Variants in HSD17B13 observed in about 807,000 individuals in gnomAD.
HSD17B13 encodes hydroxysteroid 17-beta dehydrogenase 13.
A neutral mutation model predicts 31.1 loss-of-function variants in HSD17B13; 26 were observed. That is an observed-to-expected ratio of 0.84 (90% CI 0.61 to 1.16). The LOEUF (loss-of-function observed/expected upper bound fraction) is 1.16. Among genes scored for constraint, HSD17B13 ranks in the 50% most tolerant of loss-of-function variants. The pLI, the probability that HSD17B13 is intolerant of heterozygous loss-of-function variation, is 0.00. For missense variants in HSD17B13, 374 were observed against 366.5 expected, an observed-to-expected ratio of 1.02 and a Z score of -0.17; for synonymous variants, 141 against 133.7, an observed-to-expected ratio of 1.05 and a Z score of -0.38.
intron 5 of HSD17B13, among the ~76,000 whole-genome samples, chr4:87,312,919 G>A (rs1229782484): frequency 6.6e-6 from 1 of 151,480 alleles, no homozygotes; most frequent in East Asian, 2.0e-4. Context: ...AATTAGCCAG[G>A]CGTGGTGGTG....
intron 5 of HSD17B13, among the ~76,000 whole-genome samples, chr4:87,311,127 T>A (rs1196314333): frequency 6.6e-6 from 1 of 152,116 alleles, no homozygotes; most frequent in Non-Finnish European, 1.5e-5. Context: ...ACAAATACCA[T>A]GGCAATGGCA....
At chr4:87,308,445 C>G (rs1734439616) in intron 6 of HSD17B13, among the ~76,000 whole-genome samples, 1 of 119,708 alleles carries the variant, frequency 8.4e-6, no homozygotes, top group South Asian at 2.8e-4. Flanking sequence ...GTCAGGAGAT[C>G]GAGACCATCC....
chr4:87,315,705 T>C (rs920771825), intron 3 of HSD17B13, 106 bp from the exon 4 acceptor site: 8 of 571,334 alleles, frequency 1.4e-5, no homozygotes, highest in Non-Finnish European at 2.5e-5. Flanking sequence ...AGAGAACTTA[T>C]ACAATGAAAT....
intron 1 of HSD17B13, among the ~76,000 whole-genome samples, chr4:87,318,991 G>T (rs1249199761): frequency 1.1e-4 from 17 of 151,936 alleles, no homozygotes; most frequent in Non-Finnish European, 1.5e-5. Flanking sequence ...GACCAGTCTG[G>T]CCAAAATGGT....
intron 1 of HSD17B13, among the ~76,000 whole-genome samples, chr4:87,320,198 T>C (rs576772405): frequency 6.6e-6 from 1 of 152,216 alleles, no homozygotes; most frequent in South Asian, 2.1e-4. Flanking sequence ...CAAATAGCCT[T>C]TTGTGGGATT....
chr4:87,312,598 C>T (rs1734555550), intron 5 of HSD17B13, among the ~76,000 whole-genome samples: 1 of 135,130 alleles, frequency 7.4e-6, no homozygotes, highest in South Asian at 2.4e-4. Context: ...GGCGCGATCT[C>T]GGCTCACTGC....
At chr4:87,320,304 T>G (rs1193745940) in intron 1 of HSD17B13, among the ~76,000 whole-genome samples, 1 of 152,182 alleles carries the variant, frequency 6.6e-6, no homozygotes, top group African/African-American at 2.4e-5. Flanking sequence ...ACTCTCTCAT[T>G]TGTTTCTAGG....
At chr4:87,313,687 GATAATA>G (rs1197825300) in intron 5 of HSD17B13, 130 bp downstream of exon 5, 9 of 682,618 alleles carry the variant, frequency 1.3e-5, no homozygotes, top group Non-Finnish European at 1.4e-5. Flanking sequence ...TTAATTTCAA[GATAATA>G]ATAATAATAA....
chr4:87,312,518 C>CTTTT (rs747820120), intron 5 of HSD17B13, among the ~76,000 whole-genome samples: 6 of 71,634 alleles, frequency 8.4e-5, no homozygotes, highest in Admixed American at 2.0e-4. Context: ...ACCTTTAATT[C>CTTTT]TTTTTTTTTT....
rs1308168117 is a variant in HSD17B13 at position 87,304,431 on chromosome 4, T to C, written c.*787A>G. The C allele has an allele frequency of 6.6e-6, 1 of 152,248 alleles. No individual in the cohort carries two copies. The highest frequency in any genetic ancestry group is 1.5e-5 in the Non-Finnish European group (1 of 68,062). The allele number at this position is 152,248 out of a possible 1,614,324, so 9.4% of individuals were successfully genotyped here. A position where few individuals can be genotyped will look rare whatever the true frequency, so the allele number is the denominator to read the frequency against. On this transcript the variant is annotated 3_prime_UTR_variant, in exon 7 of 7. Transcript: ENST00000328546. ...GTACAGTTCCTTTTCCTGTGTTAGC[T>C]TTAATTTTTGAGCCTAAAATTGTCT...
chr4:87,311,011 C>A (rs1734520124), intron 5 of HSD17B13, among the ~76,000 whole-genome samples: 1 of 150,424 alleles, frequency 6.6e-6, no homozygotes, highest in Admixed American at 6.6e-5. Context: ...CCACCAAAAC[C>A]AAGATGGTGA....
intron 5 of HSD17B13, among the ~76,000 whole-genome samples, chr4:87,313,266 TTA>T (rs894192388): frequency 3.3e-5 from 5 of 152,140 alleles, no homozygotes; most frequent in African/African-American, 9.7e-5. Flanking sequence ...ATATTTAGGA[TTA>T]ATTCCCTTCC....
chr4:87,319,436 G>C (rs910014543), intron 1 of HSD17B13, among the ~76,000 whole-genome samples: 4 of 152,112 alleles, frequency 2.6e-5, no homozygotes, highest in African/African-American at 9.7e-5. Flanking sequence ...TGCTCTTCGT[G>C]GTGTCATGGA....
In HSD17B13 at chr4:87,304,978, T is replaced by G. The variant is rs908612619; in HGVS notation, c.*240A>C. 3 of 367,250 alleles carry G rather than the reference T, an allele frequency of 8.2e-6. No individual in the cohort carries two copies. Among genetic ancestry groups the G allele is most frequent in the Non-Finnish European group, 1.4e-5 (3 of 207,496 alleles). The allele number at this position is 367,250 out of a possible 1,614,324, so 22.7% of individuals were successfully genotyped here. ...AAAGAAAACCTTTTAAGTATGTTTA[T>G]GTAAGCACAGAAGTTTTTAAGAGGC... On this transcript the variant is annotated 3_prime_UTR_variant, in exon 7 of 7. Coordinates refer to ENST00000328546, the MANE Select transcript of HSD17B13 (RefSeq NM_178135.5).
intron 5 of HSD17B13, among the ~76,000 whole-genome samples, chr4:87,312,917 A>C (rs1734566381): frequency 6.6e-6 from 1 of 151,392 alleles, no homozygotes; most frequent in African/African-American, 2.4e-5. Context: ...AAAATTAGCC[A>C]GGCGTGGTGG....
chr4:87,318,315 AC>A lies in HSD17B13; in HGVS notation c.318+13del. On this transcript the variant is annotated intron_variant, in intron 2 of 6. Transcript: ENST00000328546. ...CAAAATAATCTGAAGAAATTTGTGA[AC>A]CTGCAGTCTCACCTGATTTAGAGAG... The A allele has an allele frequency of 6.3e-7, 1 of 1,575,736 alleles. No individual in the cohort carries two copies. The highest frequency in any genetic ancestry group is 1.1e-5 in the South Asian group (1 of 90,344).
intron 1 of HSD17B13, among the ~76,000 whole-genome samples, chr4:87,320,688 ATTC>A (rs1734766994): frequency 6.6e-6 from 1 of 152,116 alleles, no homozygotes. Context: ...CGTCCGGCCT[ATTC>A]TTCTGTTTTA....
chr4:87,307,364 C>T (rs1246142147), intron 6 of HSD17B13, among the ~76,000 whole-genome samples: 1 of 152,106 alleles, frequency 6.6e-6, no homozygotes, highest in Non-Finnish European at 1.5e-5. Context: ...GTTTTTATCA[C>T]CTTGGTCATA....
chr4:87,312,195 T>G (rs1214785531), intron 5 of HSD17B13, among the ~76,000 whole-genome samples: 1 of 152,126 alleles, frequency 6.6e-6, no homozygotes, highest in Admixed American at 6.5e-5. Context: ...CAATTCCTTG[T>G]CTAAGAAAAC....
Sources: gnomAD v4.1 joint callset for allele counts (sites outside exome capture counted in the v4.1 genomes callset) on GRCh38, gnomAD v4.1.1 for gene constraint, MANE v1.5 for transcripts, NCBI Gene and HGNC (gene_info 2026-07-23, HGNC 2026-07-21) for gene names.